Variants in DLGAP1 observed in about 807,000 individuals in gnomAD.
DLGAP1 encodes the protein disks large-associated protein 1.
DLGAP1 carries 11 observed loss-of-function variants against 90.8 expected under a neutral mutation model. The observed-to-expected ratio is 0.12, with a 90% CI of 0.08 to 0.20. The LOEUF is 0.20. Among genes scored for constraint, DLGAP1 ranks in the 10% least tolerant of loss-of-function variants. The pLI, the probability that DLGAP1 is intolerant of heterozygous loss-of-function variation, is 1.00. For missense variants in DLGAP1, 1,050 were observed against 1,333.8 expected (o/e 0.79, Z 3.31); for synonymous variants, 558 against 540.7 (o/e 1.03, Z -0.44).
chr18:3,979,762 G>T (rs1195446690), intron 3 of DLGAP1, among the ~76,000 whole-genome samples: 3 of 152,158 alleles, frequency 2.0e-5, no homozygotes, highest in African/African-American at 7.2e-5. Context: ...TAGCTTGACT[G>T]AATCCTTCTA....
At chr18:4,097,781 T>C (rs1408423823) in intron 2 of DLGAP1, among the ~76,000 whole-genome samples, 1 of 152,232 alleles carries the variant, frequency 6.6e-6, no homozygotes, top group African/African-American at 2.4e-5. Context: ...CAGATAGATA[T>C]ACTTTCCCAC....
chr18:4,033,483 T>C (rs2074832782), intron 2 of DLGAP1, among the ~76,000 whole-genome samples: 1 of 152,140 alleles, frequency 6.6e-6, no homozygotes, highest in Admixed American at 6.6e-5. Flanking sequence ...GTGAACATCT[T>C]TGTATCCTAG....
intron 1 of DLGAP1, among the ~76,000 whole-genome samples, chr18:4,167,151 C>A (rs1053732200): frequency 2.6e-5 from 4 of 151,850 alleles, no homozygotes; most frequent in African/African-American, 9.7e-5. Flanking sequence ...AGGAAATAAA[C>A]AAAACAAGTA....
In DLGAP1 at chr18:3,910,562, G is replaced by A. The variant is rs1485740669; in HGVS notation, c.-72-30422C>T. Among the ~76,000 whole-genome samples, 3 of 152,126 alleles carry A rather than the reference G, an allele frequency of 2.0e-5. No individual in the cohort carries two copies. In the South Asian group the frequency reaches 6.2e-4, roughly 32 times the overall value. On this transcript the variant is annotated intron_variant, in intron 3 of 12. Coordinates refer to ENST00000315677, the MANE Select transcript of DLGAP1 (RefSeq NM_004746.4). ...AGAAACATTTGGGTAGGTGACCTCAGGTGAAGTGAAGTTTTTCCATCTTCT... is the reference window on the plus strand; with the variant it reads ...AGAAACATTTGGGTAGGTGACCTCAAGTGAAGTGAAGTTTTTCCATCTTCT...
At chr18:3,842,022 C>T (rs944715359) in intron 4 of DLGAP1, among the ~76,000 whole-genome samples, 1 of 149,260 alleles carries the variant, frequency 6.7e-6, no homozygotes, top group Non-Finnish European at 1.5e-5. Context: ...TAAACTTGGC[C>T]AGTCAGAGAA....
chr18:4,098,156 C>T (rs764579223), intron 2 of DLGAP1, among the ~76,000 whole-genome samples: 1 of 152,192 alleles, frequency 6.6e-6, no homozygotes, highest in Non-Finnish European at 1.5e-5. Context: ...TCAAGTGATC[C>T]TCCTGTCTCG....
At chr18:4,274,385 A>C (rs939895743) in intron 1 of DLGAP1, among the ~76,000 whole-genome samples, 3 of 151,956 alleles carry the variant, frequency 2.0e-5, no homozygotes, top group African/African-American at 7.2e-5. Context: ...ACTTTGTATT[A>C]TTTCTTTTCT....
At chr18:3,831,283 A>C (rs1303331065) in intron 4 of DLGAP1, among the ~76,000 whole-genome samples, 1 of 152,198 alleles carries the variant, frequency 6.6e-6, no homozygotes, top group Non-Finnish European at 1.5e-5. Flanking sequence ...CAGAATCTGA[A>C]GACTGTCATC....
chr18:4,413,755 G>C (rs1010898779), intron 1 of DLGAP1, among the ~76,000 whole-genome samples: 1 of 152,146 alleles, frequency 6.6e-6, no homozygotes, highest in South Asian at 2.1e-4. Flanking sequence ...AGATAAAAGG[G>C]TTTCTGGAGA....
chr18:4,158,183 A>G (rs570679732), intron 1 of DLGAP1, among the ~76,000 whole-genome samples: 1 of 152,248 alleles, frequency 6.6e-6, no homozygotes, highest in South Asian at 2.1e-4. Flanking sequence ...GAAATACCTA[A>G]TTTTTGCTGA....
chr18:3,595,157 A>T (rs913456777), intron 7 of DLGAP1, among the ~76,000 whole-genome samples: 5 of 152,240 alleles, frequency 3.3e-5, no homozygotes, highest in Non-Finnish European at 1.5e-5. Context: ...CCAGCCACGC[A>T]GGAGGAGAGG....
At chr18:3,683,608 T>C (rs186015702) in intron 7 of DLGAP1, among the ~76,000 whole-genome samples, 183 of 152,278 alleles carry the variant, frequency 1.2e-3, no homozygotes, top group African/African-American at 4.1e-3. Context: ...ATAGCTGCTG[T>C]TTTCCCTATA....
chr18:4,329,493 C>A (rs1014404625), intron 1 of DLGAP1, among the ~76,000 whole-genome samples: 3 of 151,828 alleles, frequency 2.0e-5, no homozygotes, highest in African/African-American at 7.2e-5. Flanking sequence ...GTCTCATGTA[C>A]TTTTCAGAAT....
chr18:3,753,271 G>A (rs768659983), intron 5 of DLGAP1, among the ~76,000 whole-genome samples: 4 of 152,146 alleles, frequency 2.6e-5, no homozygotes, highest in South Asian at 2.1e-4. Flanking sequence ...CCTGCTCCCC[G>A]GTGCTGGCAT....
intron 2 of DLGAP1, among the ~76,000 whole-genome samples, chr18:4,051,346 G>A (rs187089707): frequency 1.3e-5 from 2 of 152,218 alleles, no homozygotes; most frequent in Non-Finnish European, 2.9e-5. Context: ...GTTCAGCATG[G>A]CTGGGGAGGT....
chr18:4,035,329 A>G (rs1251174833), intron 2 of DLGAP1, among the ~76,000 whole-genome samples: 1 of 152,196 alleles, frequency 6.6e-6, no homozygotes, highest in Non-Finnish European at 1.5e-5. Flanking sequence ...CCTTAGGGAC[A>G]GAACAAGACC....
chr18:4,408,883 A>G (rs2082717359), intron 1 of DLGAP1, among the ~76,000 whole-genome samples: 1 of 152,100 alleles, frequency 6.6e-6, no homozygotes, highest in Non-Finnish European at 1.5e-5. Context: ...TTAATTTGAC[A>G]ACATCTAGGA....
intron 3 of DLGAP1, among the ~76,000 whole-genome samples, chr18:3,946,327 G>T (rs993181634): frequency 1.3e-5 from 2 of 152,104 alleles, no homozygotes; most frequent in African/African-American, 4.8e-5. Flanking sequence ...CTGTAGCTTG[G>T]TTCATTTGCT....
chr18:3,910,606 T>G (rs965505300), intron 3 of DLGAP1, among the ~76,000 whole-genome samples: 2 of 152,052 alleles, frequency 1.3e-5, no homozygotes, highest in Non-Finnish European at 2.9e-5. Flanking sequence ...TCCAGAACAA[T>G]GAAAACTGAA....
Sources: allele counts gnomAD v4.1 joint callset (sites outside exome capture counted in the v4.1 genomes callset), GRCh38; gene constraint gnomAD v4.1.1; transcripts MANE v1.5; gene names NCBI Gene and HGNC (gene_info 2026-07-23, HGNC 2026-07-21).